The following KCNN2 variants were observed in gnomAD, a reference collection of about 807,000 sequenced individuals.
The protein encoded by KCNN2 is potassium calcium-activated channel subfamily N member 2, also known as small conductance calcium-activated potassium channel protein 2.
A neutral mutation model predicts 55.5 loss-of-function variants in KCNN2; 24 were observed. That is an observed-to-expected ratio of 0.43 (90% confidence interval 0.31 to 0.61). The LOEUF (loss-of-function observed/expected upper bound fraction) is 0.61, where lower values mean the gene tolerates loss of function less well. Ranked by LOEUF, KCNN2 falls within the 20% of genes least tolerant of loss-of-function variation. The pLI is 0.08. For missense variants in KCNN2, 754 were observed against 853.6 expected, an observed-to-expected ratio of 0.88 and a Z score of 1.45; for synonymous variants, 431 against 336.1, an observed-to-expected ratio of 1.28 and a Z score of -3.09.
At chr5:114,148,171 A>T (rs1004020794) in intron 1 of KCNN2, among the ~76,000 whole-genome samples, 3 of 152,128 alleles carry the variant, frequency 2.0e-5, no homozygotes, top group Non-Finnish European at 4.4e-5. Flanking sequence ...TCACAGTCTG[A>T]CTTGTCTAAA....
At chr5:114,083,404 A>G (rs1369675935) in intron 1 of KCNN2, among the ~76,000 whole-genome samples, 1 of 152,040 alleles carries the variant, frequency 6.6e-6, no homozygotes, top group Admixed American at 6.6e-5. Flanking sequence ...TTTCCCCTCT[A>G]AATATGCGTT....
intron 3 of KCNN2, among the ~76,000 whole-genome samples, chr5:114,458,492 C>T (rs1160413786): frequency 6.6e-6 from 1 of 152,106 alleles, no homozygotes; most frequent in Non-Finnish European, 1.5e-5. Flanking sequence ...GCATGTGGCC[C>T]AAGGCAAGTC....
upstream of KCNN2, among the ~76,000 whole-genome samples, chr5:114,358,098 C>T (rs1757332254): frequency 6.6e-6 from 1 of 150,734 alleles, no homozygotes; most frequent in African/African-American, 2.4e-5. Flanking sequence ...TAAATGTCTT[C>T]CTTTATGCAG....
At chr5:114,259,944 A>G (rs1039550687) in intron 2 of KCNN2, among the ~76,000 whole-genome samples, 2 of 152,210 alleles carry the variant, frequency 1.3e-5, no homozygotes, top group African/African-American at 4.8e-5. Flanking sequence ...CTAGTCAGCC[A>G]TCTTGAATCC....
At chr5:114,443,333 A>G (rs1760289035) in intron 3 of KCNN2, among the ~76,000 whole-genome samples, 1 of 152,036 alleles carries the variant, frequency 6.6e-6, no homozygotes, top group African/African-American at 2.4e-5. Flanking sequence ...AAAGAGGCTT[A>G]AGAACATGGG....
At chr5:114,476,001 T>C (rs1464837376) in intron 5 of KCNN2, among the ~76,000 whole-genome samples, 3 of 152,186 alleles carry the variant, frequency 2.0e-5, no homozygotes, top group African/African-American at 4.8e-5. Context: ...TATATAATAC[T>C]TACCATGCTT....
chr5:114,466,293 A>C (rs1358622254), intron 4 of KCNN2, among the ~76,000 whole-genome samples: 3 of 152,114 alleles, frequency 2.0e-5, no homozygotes, highest in African/African-American at 7.2e-5. Flanking sequence ...GGTCATGATA[A>C]ACAATGGGAT....
intron 3 of KCNN2, among the ~76,000 whole-genome samples, chr5:114,441,867 G>A (rs1760226581): frequency 6.6e-6 from 1 of 152,098 alleles, no homozygotes; most frequent in African/African-American, 2.4e-5. Flanking sequence ...TTATCCCACA[G>A]CCTGTCCCTC....
In KCNN2 at chr5:114,185,487, T is replaced by A. The variant is rs142193592; in HGVS notation, c.-270-35993T>A. On this transcript the variant is annotated intron_variant, in intron 1 of 10. Transcript: ENST00000512097. ...CAGCAGGGAGGAGCCCGGCCTCTCC[T>A]TTTCCTGTGTGGAACGTGGGATTCA... is the stretch of plus-strand genomic sequence containing the variant. Among the ~76,000 whole-genome samples the A allele has an allele frequency of 3.5e-3, 534 of 152,298 alleles. 3 individuals are homozygous for A. Among genetic ancestry groups the A allele is most frequent in the African/African-American group, 0.013 (520 of 41,564 alleles).
At chr5:114,241,824 G>GTGTGTATATA (rs1180310046) in intron 2 of KCNN2, among the ~76,000 whole-genome samples, 2 of 31,952 alleles carry the variant, frequency 6.3e-5, no homozygotes, top group African/African-American at 1.1e-4. Context: ...ATATATGTGT[G>GTGTGTATATA]TATATATATA....
At chr5:114,089,256 C>A (rs1326373335) in intron 1 of KCNN2, among the ~76,000 whole-genome samples, 1 of 152,150 alleles carries the variant, frequency 6.6e-6, no homozygotes, top group Non-Finnish European at 1.5e-5. Context: ...GAGCTTGATA[C>A]TTTTGAGACT....
chr5:114,462,947 T>A, intron 3 of KCNN2, 102 bp from the exon 4 acceptor site: 1 of 1,129,440 alleles, frequency 8.9e-7, no homozygotes, highest in South Asian at 1.5e-5. Flanking sequence ...AATATAGCAG[T>A]TTATAGAAGA....
intron 3 of KCNN2, among the ~76,000 whole-genome samples, chr5:114,443,681 T>G (rs1760298500): frequency 6.6e-6 from 1 of 152,246 alleles, no homozygotes; most frequent in Non-Finnish European, 1.5e-5. Flanking sequence ...GGTACTGATT[T>G]TAGAAGCTCT....
chr5:114,462,454 A>G (rs1291578586), intron 3 of KCNN2, among the ~76,000 whole-genome samples: 1 of 152,172 alleles, frequency 6.6e-6, no homozygotes, highest in Non-Finnish European at 1.5e-5. Context: ...AGGATGAAGG[A>G]CATCCAGGTA....
intron 1 of KCNN2, among the ~76,000 whole-genome samples, chr5:114,204,491 G>C (rs1423477333): frequency 6.6e-6 from 1 of 152,184 alleles, no homozygotes; most frequent in Non-Finnish European, 1.5e-5. Flanking sequence ...GACCTTTTTA[G>C]CTCACAGTGC....
At chr5:114,441,775 C>T (rs1379675997) in intron 3 of KCNN2, among the ~76,000 whole-genome samples, 1 of 152,116 alleles carries the variant, frequency 6.6e-6, no homozygotes, top group Non-Finnish European at 1.5e-5. Flanking sequence ...TAGACTAGAT[C>T]ACTAATATAT....
chr5:114,463,541 T>C (rs530384002), intron 4 of KCNN2, among the ~76,000 whole-genome samples: 1 of 152,352 alleles, frequency 6.6e-6, no homozygotes, highest in Non-Finnish European at 1.5e-5. Flanking sequence ...TTGTAAAATA[T>C]AGCCCATAAT....
chr5:114,456,834 A>C (rs768702753), intron 3 of KCNN2, among the ~76,000 whole-genome samples: 8 of 152,198 alleles, frequency 5.3e-5, no homozygotes, highest in Non-Finnish European at 1.2e-4. Flanking sequence ...ATAGAAGTAG[A>C]GCCTGAATAA....
intron 1 of KCNN2, among the ~76,000 whole-genome samples, chr5:114,071,202 G>T (rs1750561627): frequency 2.0e-5 from 3 of 152,150 alleles, no homozygotes; most frequent in African/African-American, 2.4e-5. Context: ...AGAGAATCAG[G>T]CTTGGGTGCA....
Sources: allele counts gnomAD v4.1 joint callset (sites outside exome capture counted in the v4.1 genomes callset), GRCh38; gene constraint gnomAD v4.1.1; transcripts MANE v1.5; gene names NCBI Gene and HGNC (gene_info 2026-07-23, HGNC 2026-07-21).